Variants in KDM4B observed in about 807,000 individuals in gnomAD.
KDM4B encodes lysine-specific demethylase 4B.
KDM4B carries 32 observed loss-of-function variants against 125.2 expected under a neutral mutation model. The observed-to-expected ratio is 0.26, with a 90% CI of 0.19 to 0.34. The LOEUF (loss-of-function observed/expected upper bound fraction) is 0.34, where lower values mean the gene tolerates loss of function less well. KDM4B is among the 10% of genes least tolerant of loss of function. The pLI, the probability that KDM4B is intolerant of heterozygous loss-of-function variation, is 1.00. For synonymous variants in KDM4B, 721 were observed against 677.9 expected, an observed-to-expected ratio of 1.06 and a Z score of -0.99; for missense variants, 1,190 against 1,577.7, an observed-to-expected ratio of 0.75 and a Z score of 4.16.
chr19:4,987,064 T>A (rs981623606), intron 1 of KDM4B, among the ~76,000 whole-genome samples: 5 of 152,182 alleles, frequency 3.3e-5, no homozygotes, highest in Admixed American at 1.3e-4. Flanking sequence ...GTTCAAGCGA[T>A]TCTCCTGCCT....
At chr19:5,041,086 C>G (rs762230685) in intron 4 of KDM4B, 51 bp from the exon 5 acceptor site, 1 of 1,292,944 alleles carries the variant, frequency 7.7e-7, no homozygotes, top group African/African-American at 1.5e-5. Flanking sequence ...GGGTGGGCTG[C>G]GTAGCACCCA....
At chr19:5,117,438 G>T (rs1377912818) in intron 10 of KDM4B, among the ~76,000 whole-genome samples, 1 of 152,132 alleles carries the variant, frequency 6.6e-6, no homozygotes, top group Non-Finnish European at 1.5e-5. Context: ...CTGGGACCAG[G>T]GCGGGTCCAC....
chr19:5,145,724 C>T (rs762619082), intron 21 of KDM4B, among the ~76,000 whole-genome samples: 1 of 152,196 alleles, frequency 6.6e-6, no homozygotes, highest in Non-Finnish European at 1.5e-5. Context: ...TCGAGGCTCC[C>T]GGGAGGAGGC....
At chr19:5,131,719 G>A (rs552789176) in intron 12 of KDM4B, among the ~76,000 whole-genome samples, 168 bp from the exon 13 acceptor site, 3 of 151,234 alleles carry the variant, frequency 2.0e-5, no homozygotes, top group South Asian at 4.2e-4. Context: ...AGGGTAGGTG[G>A]GGTGTCTGTA....
At chr19:5,057,065 T>TGTGTGTGCGCGCGC (rs55806859) in intron 6 of KDM4B, among the ~76,000 whole-genome samples, 19 of 128,320 alleles carry the variant, frequency 1.5e-4, no homozygotes, top group Admixed American at 4.4e-4. Flanking sequence ...TGTGTGTGTG[T>TGTGTGTGCGCGCGC]GCGCGCGCGC....
chr19:4,970,130 G>A (rs960727992), intron 1 of KDM4B, among the ~76,000 whole-genome samples: 1 of 152,156 alleles, frequency 6.6e-6, no homozygotes, highest in Admixed American at 6.5e-5. Context: ...TCTGCGCTCA[G>A]TGGTGGCCAT....
intron 2 of KDM4B, among the ~76,000 whole-genome samples, chr19:5,023,220 C>T (rs1394879828): frequency 1.3e-5 from 2 of 152,152 alleles, no homozygotes; most frequent in Non-Finnish European, 2.9e-5. Context: ...GAACCTGGCA[C>T]GCGCTGGTGC....
chr19:5,013,422 C>T lies in KDM4B; in HGVS notation c.-108-2835C>T, dbSNP rs565384343. ...ACCCTTTGCTGCTATGACAAATGGC[C>T]GCAGACACAGTGGCTGAAAACAGCA... On this transcript the variant is annotated intron_variant, in intron 1 of 22. Coordinates refer to ENST00000159111, the MANE Select transcript of KDM4B (RefSeq NM_015015.3). Among the ~76,000 whole-genome samples, 37 of 152,238 alleles carry T rather than the reference C, an allele frequency of 2.4e-4. 1 individual carries two copies. Among genetic ancestry groups the T allele is most frequent in the Non-Finnish European group, 4.4e-4 (30 of 68,000 alleles).
chr19:5,042,720 G>T (rs182819720), intron 5 of KDM4B, among the ~76,000 whole-genome samples: 1 of 151,216 alleles, frequency 6.6e-6, no homozygotes. Flanking sequence ...GCCAGGTTTC[G>T]CGAGCACTCA....
At position 5,133,958 on chromosome 19, in the gene KDM4B, A is replaced by G. The variant is rs774868255; in HGVS notation, c.1982A>G (p.Lys661Arg). The G allele has an allele frequency of 6.8e-6, 11 of 1,613,032 alleles. No individual in the cohort carries two copies. The highest frequency in any genetic ancestry group is 9.3e-6 in the Non-Finnish European group (11 of 1,179,954). ...AGGCCGCTGCTGTCTCTGCAGTGGAAGAACAGGGCGGCCAGCTTCCAGGCC... is the reference window on the plus strand; with the variant it reads ...AGGCCGCTGCTGTCTCTGCAGTGGAGGAACAGGGCGGCCAGCTTCCAGGCC... ...ALRPLLSLQW[K>R]NRAASFQAER... is the part of the protein sequence containing the mutation. Residue 661 changes from lysine (K) to arginine (R), a missense_variant, in exon 14 of 23, where the codon AAG becomes AGG. Physicochemically the swap from Lys to Arg is conservative, Grantham distance 26. This residue lies in a region of KDM4B where 128 missense variants were observed against 137.8 expected (regional missense o/e 0.93). Coordinates refer to ENST00000159111, the MANE Select transcript of KDM4B (RefSeq NM_015015.3).
intron 2 of KDM4B, among the ~76,000 whole-genome samples, chr19:5,021,697 G>A (rs752341251): frequency 1.1e-4 from 17 of 148,192 alleles, no homozygotes; most frequent in Admixed American, 5.5e-4. Context: ...GTGCAGTGGC[G>A]TGATCTTGGC....
chr19:5,036,706 C>T (rs1325790724), intron 3 of KDM4B, among the ~76,000 whole-genome samples: 3 of 152,260 alleles, frequency 2.0e-5, no homozygotes, highest in Non-Finnish European at 4.4e-5. Context: ...CGCCGGAGGC[C>T]TGGAAGACCC....
rs893835327 is a variant in KDM4B at position 5,002,900 on chromosome 19, A to G, written c.-108-13357A>G. ...CAGGAGTTCAAGGCTGCCATGAGCT[A>G]TGATCACACCACTGTACTCCAGCCT... On this transcript the variant is annotated intron_variant, in intron 1 of 22. Transcript: ENST00000159111. Among the ~76,000 whole-genome samples the G allele has an allele frequency of 4.5e-4, 68 of 151,906 alleles. 1 individual carries two copies. Among genetic ancestry groups the G allele is most frequent in the African/African-American group, 1.5e-3 (61 of 41,228 alleles).
intron 2 of KDM4B, among the ~76,000 whole-genome samples, chr19:5,023,058 G>A (rs1277992604): frequency 6.6e-6 from 1 of 152,124 alleles, no homozygotes; most frequent in East Asian, 1.9e-4. Flanking sequence ...CTGAGTGAAG[G>A]ACCCTGAGCT....
At chr19:5,060,129 C>G (rs1225727883) in intron 6 of KDM4B, among the ~76,000 whole-genome samples, 1 of 152,224 alleles carries the variant, frequency 6.6e-6, no homozygotes, top group Non-Finnish European at 1.5e-5. Flanking sequence ...CGGGTGATCC[C>G]TCACTGCTCT....
chr19:5,016,110 G>T (rs2145517519), intron 1 of KDM4B, 147 bp from the exon 2 acceptor site: 1 of 152,314 alleles, frequency 6.6e-6, no homozygotes. Flanking sequence ...ACGGATTTTT[G>T]TCTTGTTAAA....
intron 3 of KDM4B, among the ~76,000 whole-genome samples, chr19:5,033,505 A>G (rs1321480020): frequency 1.3e-5 from 2 of 151,856 alleles, no homozygotes; most frequent in East Asian, 1.9e-4. Context: ...GCTTGAGCCC[A>G]GGAATTAGAG....
At chr19:5,088,355 G>A (rs936816434) in intron 9 of KDM4B, among the ~76,000 whole-genome samples, 4 of 152,140 alleles carry the variant, frequency 2.6e-5, no homozygotes, top group South Asian at 2.1e-4. Context: ...AATGCGGCCC[G>A]GGCTTTGTCT....
chr19:5,050,168 G>A (rs1302329104), intron 6 of KDM4B, among the ~76,000 whole-genome samples: 1 of 152,244 alleles, frequency 6.6e-6, no homozygotes, highest in African/African-American at 2.4e-5. Context: ...AAGTGTCAAT[G>A]TACTCAGGTT....
Sources: allele counts gnomAD v4.1 joint callset (sites outside exome capture counted in the v4.1 genomes callset), GRCh38; gene constraint gnomAD v4.1.1; regional missense constraint gnomAD v4.1.1; transcripts MANE v1.5; gene names NCBI Gene and HGNC (gene_info 2026-07-23, HGNC 2026-07-21).